MIIP: variants seen among roughly 807,000 people sequenced by gnomAD.
MIIP encodes the protein migration and invasion-inhibitory protein.
A neutral mutation model predicts 44.8 loss-of-function variants in MIIP; 44 were observed. The ratio of observed to expected loss-of-function variants is 0.98; its 90% CI spans 0.77 to 1.26. MIIP has a LOEUF of 1.26. MIIP is among the 50% of genes most tolerant of loss of function. The pLI is 0.00. For missense variants in MIIP, 496 were observed against 511.7 expected (o/e 0.97, Z 0.30); for synonymous variants, 225 against 218.3 (o/e 1.03, Z -0.27).
chr1:12,020,302 T>G (rs1639943857), intron 1 of MIIP, among the ~76,000 whole-genome samples: 1 of 152,156 alleles, frequency 6.6e-6, no homozygotes, highest in African/African-American at 2.4e-5. Context: ...GAATCCCTTT[T>G]GAAGCCTGAT....
rs371966388 is a variant in MIIP at position 12,031,769 on chromosome 1, C to T, written c.1128C>T (p.Pro376=). The T allele has an allele frequency of 5.0e-6, 8 of 1,614,054 alleles. No homozygotes were observed. Among genetic ancestry groups the T allele is most frequent in the Non-Finnish European group, 6.8e-6 (8 of 1,179,970 alleles). The change falls in exon 10 of 10, where the codon CCC becomes CCT. Residue 376 remains proline (P), a synonymous_variant. Transcript: ENST00000235332. ...CCCCGACCCCGACCTGGTCAGTGCC[C>T]CAGGTCCCTCGGCCCCACGTCCCAC... ...MLPPTPTWSV[P]QVPRPHVPRQ...
At chr1:12,028,454 C>T (rs575389689) in intron 4 of MIIP, among the ~76,000 whole-genome samples, 199 of 152,232 alleles carry the variant, frequency 1.3e-3, no homozygotes, top group Non-Finnish European at 2.3e-3. Flanking sequence ...CCTGGCTGTT[C>T]CTCAGCTGAA....
Position 12,029,111 on chromosome 1 carries a change from A to T in MIIP, c.626A>T (p.Asn209Ile). ...FSKLQEFRET[N>I]KEECICSHPE... is the part of the protein sequence containing the mutation. Reference sequence around the variant, plus strand: ...AAGCTGCAGGAGTTTCGGGAAACCAACAAGGAGGAGTGTATCTGCAGCCAT... The same window carrying T: ...AAGCTGCAGGAGTTTCGGGAAACCATCAAGGAGGAGTGTATCTGCAGCCAT... The change falls in exon 5 of 10, where the codon AAC (asparagine) becomes ATC (isoleucine). Residue 209 changes from asparagine (N) to isoleucine (I), a missense_variant. Coordinates refer to ENST00000235332, the MANE Select transcript of MIIP (RefSeq NM_021933.4). The T allele has an allele frequency of 6.2e-7, 1 of 1,613,962 alleles. No individual in the cohort carries two copies. The highest frequency in any genetic ancestry group is 8.5e-7 in the Non-Finnish European group (1 of 1,179,870).
chr1:12,028,148 A>G (rs533479642), intron 4 of MIIP, among the ~76,000 whole-genome samples: 3 of 152,346 alleles, frequency 2.0e-5, no homozygotes, highest in African/African-American at 7.2e-5. Context: ...CAGAGGTTGC[A>G]GTGAGCCGAG....
chr1:12,020,668 AC>A lies in MIIP; in HGVS notation c.-82-974del, dbSNP rs1639951754. Among the ~76,000 whole-genome samples the A allele has an allele frequency of 6.6e-5, 10 of 150,664 alleles. No individual in the cohort carries two copies. The South Asian group carries it at 2.1e-3, about 32-fold the overall frequency. On this transcript the variant is annotated intron_variant, in intron 1 of 9. Coordinates refer to ENST00000235332, the MANE Select transcript of MIIP (RefSeq NM_021933.4). The stretch of plus-strand genomic sequence containing the variant: ...TGGGATTACTGGCGCCCACCACCAC[AC>A]CCGGCTAATTGTTTGTTGTTGTTGC...
At chr1:12,025,887 G>A (rs199536155) in intron 4 of MIIP, among the ~76,000 whole-genome samples, 4 of 151,834 alleles carry the variant, frequency 2.6e-5, no homozygotes, top group African/African-American at 7.2e-5. Flanking sequence ...TAGTAGAGAC[G>A]GGGTTTCACC....
Position 12,030,110 on chromosome 1 carries a change from C to G in MIIP, c.928C>G (p.Leu310Val), listed in dbSNP as rs1172475218. 7 of 1,612,844 alleles carry G rather than the reference C, an allele frequency of 4.3e-6. No homozygotes were observed. Among genetic ancestry groups the G allele is most frequent in the Non-Finnish European group, 5.1e-6 (6 of 1,179,938 alleles). The change falls in exon 8 of 10, where the codon CTG becomes GTG. Residue 310 changes from leucine to valine, a missense_variant. By Grantham distance (32) the Leu-to-Val change is conservative (BLOSUM62 1). Transcript: ENST00000235332. ...AAAGAGCTTTGACGCCTCTGACACA[C>G]TGGCCCTGCCCCGGGTGAGCAGCCA... is the stretch of plus-strand genomic sequence containing the variant. ...RRKSFDASDT[L>V]ALPRHCLLGW... is the part of the protein sequence containing the mutation.
chr1:12,027,023 T>TC (rs1640118755), intron 4 of MIIP, among the ~76,000 whole-genome samples: 1 of 150,398 alleles, frequency 6.6e-6, no homozygotes, highest in African/African-American at 2.4e-5. Context: ...TTTTTTTTTT[T>TC]GAGATGGAGT....
intron 1 of MIIP, among the ~76,000 whole-genome samples, chr1:12,020,406 C>T (rs539093513): frequency 2.0e-5 from 3 of 152,304 alleles, no homozygotes; most frequent in African/African-American, 7.2e-5. Context: ...GGAAGCATGC[C>T]CTTGCCCCAG....
chr1:12,022,807 T>C (rs1640011112), intron 3 of MIIP, 26 bp from the exon 4 acceptor site: 2 of 1,572,700 alleles, frequency 1.3e-6, no homozygotes, highest in Admixed American at 1.8e-5. Flanking sequence ...GGCTTAGTCC[T>C]TGTCCCTCTG....
chr1:12,022,222 G>A lies in MIIP; in HGVS notation c.242G>A (p.Arg81Gln), dbSNP rs747093128. The stretch of plus-strand genomic sequence containing the variant: ...GTGTGGGGCCCACCAGATGCCTGTC[G>A]AGGGGACCTCCGTGATGTGGCCAGA... ...SSVWGPPDAC[R>Q]GDLRDVARSG... Residue 81 changes from arginine to glutamine, a missense_variant, in exon 3 of 10, where the codon CGA (arginine) becomes CAA (glutamine). Physicochemically the swap from Arg to Gln is conservative, Grantham distance 43. Coordinates refer to ENST00000235332, the MANE Select transcript of MIIP (RefSeq NM_021933.4). The A allele has an allele frequency of 8.1e-6, 13 of 1,612,966 alleles. No individual in the cohort carries two copies. The Middle Eastern group carries it at 4.9e-4, about 61-fold the overall frequency.
At chr1:12,021,577 G>A (rs1478047444) in intron 1 of MIIP, 68 bp from the exon 2 acceptor site, 8 of 655,188 alleles carry the variant, frequency 1.2e-5, no homozygotes, top group Non-Finnish European at 1.9e-5. Context: ...GTTAAAGAGT[G>A]TCGAATGGGG....
chr1:12,030,326 CAGG>C (rs1569933661), intron 8 of MIIP, among the ~76,000 whole-genome samples: 2 of 152,142 alleles, frequency 1.3e-5, no homozygotes, highest in African/African-American at 4.8e-5. Context: ...CCGGTGCTTC[CAGG>C]GTGATCTGCC....
rs914093905 is a variant in MIIP at position 12,022,747 on chromosome 1, C to T, written c.463-86C>T. ...CTGCAAGTCAGGGTGTAAGTTAAGA[C>T]ACAGTCTCTCTGTCCCTCGAATTGC... On this transcript the variant is annotated intron_variant, in intron 3 of 9. Coordinates refer to ENST00000235332, the MANE Select transcript of MIIP (RefSeq NM_021933.4). 9 of 1,066,168 alleles carry T rather than the reference C, an allele frequency of 8.4e-6. No individual in the cohort carries two copies. In the East Asian group the frequency reaches 2.3e-4, roughly 28 times the overall value. 66.0% of individuals were successfully genotyped at this position (1,066,168 alleles called of 1,614,324 possible). A position where few individuals can be genotyped will look rare whatever the true frequency, so the allele number is the denominator to read the frequency against.
chr1:12,025,060 G>GT (rs1440311980), intron 4 of MIIP, among the ~76,000 whole-genome samples: 6 of 95,582 alleles, frequency 6.3e-5, no homozygotes, highest in African/African-American at 9.1e-5. Context: ...TTTTGTTGTT[G>GT]TTTTTTTTGT....
intron 4 of MIIP, among the ~76,000 whole-genome samples, chr1:12,024,620 G>T (rs1411882804): frequency 6.6e-6 from 1 of 152,164 alleles, no homozygotes; most frequent in Non-Finnish European, 1.5e-5. Context: ...CACCATGTTG[G>T]CCAGGCTGGT....
chr1:12,032,010 A>G lies in MIIP; in HGVS notation c.*202A>G. On this transcript the variant is annotated 3_prime_UTR_variant, in exon 10 of 10. Coordinates refer to ENST00000235332, the MANE Select transcript of MIIP (RefSeq NM_021933.4). Reference sequence around the variant, plus strand: ...GGGTGGAGGGTGAGGGATTCTGTGGAAGTTTGTAAATAAAGCTCAGTGCTC... The same window carrying G: ...GGGTGGAGGGTGAGGGATTCTGTGGGAGTTTGTAAATAAAGCTCAGTGCTC... 1.7e-6 allele frequency: 1 copy of G among 600,168 alleles called. No individual in the cohort carries two copies. Among genetic ancestry groups the G allele is most frequent in the Non-Finnish European group, 3.0e-6 (1 of 338,598 alleles). The allele number at this position is 600,168 out of a possible 1,614,324, so 37.2% of individuals were successfully genotyped here. A position where few individuals can be genotyped will look rare whatever the true frequency, so the allele number is the denominator to read the frequency against.
Position 12,031,415 on chromosome 1 carries a change from A to G in MIIP, c.1080+12A>G. On this transcript the variant is annotated intron_variant, in intron 9 of 9. Coordinates refer to ENST00000235332, the MANE Select transcript of MIIP (RefSeq NM_021933.4). The stretch of plus-strand genomic sequence containing the variant: ...GCCCTTTTCACCCGGTACGGTCCAG[A>G]TCGCATCCTAGCCTGGGGTGCCCCC... 1 of 1,610,208 alleles carries G rather than the reference A, an allele frequency of 6.2e-7. No homozygotes were observed.
At position 12,021,837 on chromosome 1, in the gene MIIP, G is replaced by A. The variant is rs557549417; in HGVS notation, c.111G>A (p.Ser37=). The A allele has an allele frequency of 2.1e-5, 33 of 1,603,768 alleles. No individual in the cohort carries two copies. Among genetic ancestry groups the A allele is most frequent in the Non-Finnish European group, 2.6e-5 (30 of 1,176,028 alleles). The stretch of plus-strand genomic sequence containing the variant: ...GGCGGTCAGTGGCCAGGGCAGCCTC[G>A]GAGGTGCGTGCCCGCCTTGGGAACC... ...AVRRSVARAA[S]ESSLESSSSY... The change falls in exon 2 of 10, where the codon TCG becomes TCA. Residue 37 remains serine (S), a synonymous_variant. Coordinates refer to ENST00000235332, the MANE Select transcript of MIIP (RefSeq NM_021933.4).
Sources: gnomAD v4.1 joint callset for allele counts (sites outside exome capture counted in the v4.1 genomes callset) on GRCh38, gnomAD v4.1.1 for gene constraint, MANE v1.5 for transcripts, NCBI Gene and HGNC (gene_info 2026-07-23, HGNC 2026-07-21) for gene names.